Variants in ATP8A1 observed in about 807,000 individuals in gnomAD.
ATP8A1 encodes the protein ATPase phospholipid transporting 8A1.
Under a neutral mutation model 177.7 loss-of-function variants are expected in ATP8A1, and 90 were observed. The ratio of observed to expected loss-of-function variants is 0.51; its 90% CI spans 0.43 to 0.60. The LOEUF is 0.60. Ranked by LOEUF, ATP8A1 falls within the 20% of genes least tolerant of loss-of-function variation. The pLI, the probability that ATP8A1 is intolerant of heterozygous loss-of-function variation, is 0.00. For synonymous variants in ATP8A1, 493 were observed against 485.9 expected (o/e 1.01, Z -0.19); for missense variants, 1,072 against 1,392.8 (o/e 0.77, Z 3.67).
At chr4:42,650,417 C>A (rs557627002) in intron 1 of ATP8A1, among the ~76,000 whole-genome samples, 12 of 152,336 alleles carry the variant, frequency 7.9e-5, no homozygotes, top group East Asian at 7.7e-4. Context: ...CGACCACAGC[C>A]TTTTGTCCCA....
chr4:42,508,136 T>C (rs1283867602), intron 22 of ATP8A1, among the ~76,000 whole-genome samples: 1 of 152,160 alleles, frequency 6.6e-6, no homozygotes, highest in Non-Finnish European at 1.5e-5. Flanking sequence ...ATTATTTTTA[T>C]TATTTATTTA....
rs1739676705 is a variant in ATP8A1, at chr4:42,639,116, G to A, written c.50-12007C>T. 2.0e-5 allele frequency among the ~76,000 whole-genome samples: 3 copies of A among 152,156 alleles called. No homozygotes were observed. The South Asian group carries it at 6.2e-4, about 32-fold the overall frequency. On this transcript the variant is annotated intron_variant, in intron 1 of 36. Transcript: ENST00000381668. ...GTCCAAACCCACATGCTGAGTAATTGTGGAAGGCCCTGACAAGGCGGGGAG... is the reference window on the plus strand; with the variant it reads ...GTCCAAACCCACATGCTGAGTAATTATGGAAGGCCCTGACAAGGCGGGGAG...
At chr4:42,418,835 G>A (rs1200668368) in intron 35 of ATP8A1, among the ~76,000 whole-genome samples, 1 of 152,074 alleles carries the variant, frequency 6.6e-6, no homozygotes, top group Non-Finnish European at 1.5e-5. Flanking sequence ...ACTAAAAATG[G>A]CTGTTTTAAC....
intron 1 of ATP8A1, among the ~76,000 whole-genome samples, chr4:42,638,909 T>G (rs542795508): frequency 3.3e-5 from 5 of 152,220 alleles, no homozygotes; most frequent in African/African-American, 7.2e-5. Context: ...CACTACGGAC[T>G]GGATTCTAAT....
chr4:42,635,954 T>A (rs1412748080), intron 1 of ATP8A1, among the ~76,000 whole-genome samples: 1 of 151,592 alleles, frequency 6.6e-6, no homozygotes, highest in Non-Finnish European at 1.5e-5. Flanking sequence ...CAGTCCTCTC[T>A]GTGTTCAGCC....
chr4:42,644,384 CAG>C (rs2109559106), intron 1 of ATP8A1, among the ~76,000 whole-genome samples: 1 of 152,238 alleles, frequency 6.6e-6, no homozygotes, highest in East Asian at 1.9e-4. Context: ...AACGAAGAGA[CAG>C]AAATCAGTTG....
chr4:42,521,412 A>G (rs960979116), intron 22 of ATP8A1, among the ~76,000 whole-genome samples: 4 of 152,196 alleles, frequency 2.6e-5, no homozygotes, highest in African/African-American at 4.8e-5. Flanking sequence ...TGAGGACTAG[A>G]TTAATAGATG....
At chr4:42,553,955 GA>G (rs1261848421) in intron 16 of ATP8A1, among the ~76,000 whole-genome samples, 79 of 152,090 alleles carry the variant, frequency 5.2e-4, no homozygotes, top group African/African-American at 1.6e-3. Context: ...AGGTCGTAAA[GA>G]AGGAAAAAAA....
intron 15 of ATP8A1, among the ~76,000 whole-genome samples, chr4:42,558,777 T>TA (rs1329941927): frequency 2.0e-5 from 3 of 152,016 alleles, no homozygotes; most frequent in South Asian, 2.1e-4. Flanking sequence ...AACATTTTTT[T>TA]AAAAAAAACT....
intron 24 of ATP8A1, among the ~76,000 whole-genome samples, chr4:42,492,955 G>C (rs568370330): frequency 5.9e-5 from 9 of 152,178 alleles, no homozygotes; most frequent in Non-Finnish European, 1.2e-4. Flanking sequence ...AACACCTTCA[G>C]AAATCTTGCT....
rs772737618 is a variant in ATP8A1, at chr4:42,446,651, G to A, written c.2897-7C>T. The stretch of plus-strand genomic sequence containing the variant: ...CCATTTCCAAATGCAGTACCTGTAC[G>A]AAAAGGAGAGGCCTATTAGAAAGGA... On this transcript the variant is annotated splice_polypyrimidine_tract_variant and splice_region_variant and intron_variant, in intron 30 of 36. Coordinates refer to ENST00000381668, the MANE Select transcript of ATP8A1 (RefSeq NM_006095.2). 1.1e-5 allele frequency: 17 copies of A among 1,610,986 alleles called. No individual in the cohort carries two copies. The highest frequency in any genetic ancestry group is 6.7e-5 in the East Asian group (3 of 44,856).
intron 24 of ATP8A1, among the ~76,000 whole-genome samples, chr4:42,488,058 A>G (rs1722373381): frequency 6.6e-6 from 1 of 152,218 alleles, no homozygotes; most frequent in Non-Finnish European, 1.5e-5. Flanking sequence ...GTTGGTAATA[A>G]ATTCCACAAG....
chr4:42,576,505 A>AAAAAAAAC (rs1732475167), intron 12 of ATP8A1, among the ~76,000 whole-genome samples: 1 of 149,414 alleles, frequency 6.7e-6, no homozygotes, highest in Non-Finnish European at 1.5e-5. Context: ...AAAAAAAAAA[A>AAAAAAAAC]AGAGCATAGT....
intron 33 of ATP8A1, among the ~76,000 whole-genome samples, chr4:42,431,169 G>GA (rs1157558459): frequency 6.6e-6 from 1 of 152,064 alleles, no homozygotes; most frequent in African/African-American, 2.4e-5. Context: ...CTAAGTTATT[G>GA]AAAAATTTTT....
chr4:42,560,607 C>G (rs1389686902), intron 15 of ATP8A1, among the ~76,000 whole-genome samples: 2 of 151,822 alleles, frequency 1.3e-5, no homozygotes, highest in African/African-American at 4.8e-5. Flanking sequence ...AGACATACCA[C>G]TAGAATGGGA....
chr4:42,587,354 C>T (rs1733722146), intron 8 of ATP8A1, among the ~76,000 whole-genome samples: 1 of 150,178 alleles, frequency 6.7e-6, no homozygotes, highest in Non-Finnish European at 1.5e-5. Context: ...GTCACCCAGG[C>T]TGGAGTGCAG....
chr4:42,651,403 A>G (rs1273369699), intron 1 of ATP8A1, among the ~76,000 whole-genome samples: 2 of 152,232 alleles, frequency 1.3e-5, no homozygotes, highest in African/African-American at 4.8e-5. Context: ...GAAAGTATGG[A>G]ACTCCCTAGA....
In ATP8A1 at chr4:42,464,813, T is replaced by A; in HGVS notation, c.2509-13A>T. On this transcript the variant is annotated splice_polypyrimidine_tract_variant and intron_variant, in intron 26 of 36. Coordinates refer to ENST00000381668, the MANE Select transcript of ATP8A1 (RefSeq NM_006095.2). The stretch of plus-strand genomic sequence containing the variant: ...TCAAATATTTGAACTAAAACAAGAG[T>A]GGGAAAAAATTAGTATTTTCCTTTT... 4 of 1,610,380 alleles carry A rather than the reference T, an allele frequency of 2.5e-6. No individual in the cohort carries two copies. The highest frequency in any genetic ancestry group is 3.4e-6 in the Non-Finnish European group (4 of 1,177,478).
intron 6 of ATP8A1, among the ~76,000 whole-genome samples, chr4:42,594,595 C>T (rs1336165932): frequency 1.3e-5 from 2 of 152,014 alleles, no homozygotes; most frequent in Admixed American, 1.3e-4. Flanking sequence ...TAAAATCAAT[C>T]TATTCTATCC....
Sources: allele counts gnomAD v4.1 joint callset (sites outside exome capture counted in the v4.1 genomes callset), GRCh38; gene constraint gnomAD v4.1.1; transcripts MANE v1.5; gene names NCBI Gene and HGNC (gene_info 2026-07-23, HGNC 2026-07-21).